Variants in KCNIP4 observed in about 807,000 individuals in gnomAD.
KCNIP4 encodes potassium voltage-gated channel interacting protein 4, also known as Kv channel-interacting protein 4.
KCNIP4 carries 12 observed loss-of-function variants against 34.0 expected under a neutral mutation model. The ratio of observed to expected loss-of-function variants is 0.35; its 90% confidence interval spans 0.23 to 0.57. KCNIP4 has a LOEUF of 0.57. Ranked by LOEUF, KCNIP4 falls within the 20% of genes least tolerant of loss-of-function variation. The probability of loss-of-function intolerance (pLI) is 0.83; values close to 1 mark genes in which losing one functional copy is unlikely to be tolerated. For synonymous variants in KCNIP4, 124 were observed against 102.2 expected, an observed-to-expected ratio of 1.21 and a Z score of -1.29; for missense variants, 238 against 311.7, an observed-to-expected ratio of 0.76 and a Z score of 1.78.
In KCNIP4 at chr4:21,174,677, A is replaced by T. The variant is rs577301422; in HGVS notation, c.62-291968T>A. ...CACTTTGGGAGGCCGAGGTGGGCAG[A>T]TCACCTGGGGTCAGGAACTCAGATC... On this transcript the variant is annotated intron_variant, in intron 1 of 8. Coordinates refer to ENST00000382152, the MANE Select transcript of KCNIP4 (RefSeq NM_025221.6). Among the ~76,000 whole-genome samples the T allele has an allele frequency of 2.6e-5, 4 of 152,208 alleles. No homozygotes were observed. The South Asian group carries it at 8.3e-4, about 32-fold the overall frequency.
chr4:21,799,532 C>T (rs944410155), intron 1 of KCNIP4, among the ~76,000 whole-genome samples: 1 of 152,186 alleles, frequency 6.6e-6, no homozygotes, highest in Non-Finnish European at 1.5e-5. Flanking sequence ...ATTAGTACAA[C>T]AGCACTCACT....
At chr4:20,856,136 G>C (rs971471429) in intron 2 of KCNIP4, among the ~76,000 whole-genome samples, 39 of 152,240 alleles carry the variant, frequency 2.6e-4, no homozygotes, top group African/African-American at 9.4e-4. Context: ...TTAGACTGCT[G>C]TTGATCCAAT....
intron 1 of KCNIP4, among the ~76,000 whole-genome samples, chr4:21,365,478 AAAATAAATAAATAAATAAATAAAT>A (rs3048729): frequency 7.6e-6 from 1 of 132,070 alleles, no homozygotes; most frequent in Non-Finnish European, 1.6e-5. Flanking sequence ...ACTGTCTCAA[AAAATAAATAAATAAATAAATAAAT>A]AAATAAATAA....
chr4:21,644,698 G>A (rs1029590484), intron 1 of KCNIP4, among the ~76,000 whole-genome samples: 8 of 152,110 alleles, frequency 5.3e-5, no homozygotes, highest in Non-Finnish European at 1.2e-4. Flanking sequence ...AGTTGTCTCA[G>A]TACATTTAGT....
chr4:21,602,108 T>A (rs557800695), intron 1 of KCNIP4, among the ~76,000 whole-genome samples: 1 of 151,912 alleles, frequency 6.6e-6, no homozygotes, highest in East Asian at 1.9e-4. Context: ...CTGCTTCAAA[T>A]AGGCTTCTTC....
intron 1 of KCNIP4, among the ~76,000 whole-genome samples, chr4:20,966,339 ATAT>A (rs1734344306): frequency 1.3e-5 from 2 of 152,226 alleles, no homozygotes; most frequent in East Asian, 3.8e-4. Flanking sequence ...ATAAAGTCAC[ATAT>A]CCTTAATTAT....
At chr4:21,712,623 C>T (rs552493855) in intron 1 of KCNIP4, among the ~76,000 whole-genome samples, 1 of 152,234 alleles carries the variant, frequency 6.6e-6, no homozygotes, top group Non-Finnish European at 1.5e-5. Context: ...CTCCCCACAC[C>T]TTTCTCCTGA....
At chr4:21,153,995 G>GA (rs112468002) in intron 1 of KCNIP4, among the ~76,000 whole-genome samples, 9,559 of 150,854 alleles carry the variant, frequency 0.063, 410 homozygotes, top group Non-Finnish European at 0.083. Context: ...AAAAAAAATG[G>GA]AAAAAAAAGG....
intron 1 of KCNIP4, among the ~76,000 whole-genome samples, chr4:21,501,591 T>C (rs1733344619): frequency 1.3e-5 from 2 of 152,018 alleles, no homozygotes; most frequent in Non-Finnish European, 2.9e-5. Flanking sequence ...TCCAAAGGTC[T>C]TTCGCAGTCT....
intron 1 of KCNIP4, among the ~76,000 whole-genome samples, chr4:21,130,865 G>A (rs1490343044): frequency 6.6e-6 from 1 of 152,154 alleles, no homozygotes; most frequent in East Asian, 1.9e-4. Flanking sequence ...TGGGGTTACA[G>A]TCCAATATAT....
chr4:21,837,072 C>T (rs1039446206), intron 1 of KCNIP4, among the ~76,000 whole-genome samples: 8 of 151,064 alleles, frequency 5.3e-5, no homozygotes, highest in Non-Finnish European at 1.0e-4. Flanking sequence ...GGCCCGCCAC[C>T]ACGCCTGGCT....
chr4:21,895,154 T>G (rs28593399), intron 1 of KCNIP4, among the ~76,000 whole-genome samples: 48,651 of 152,086 alleles, frequency 0.32, 8,247 homozygotes, highest in African/African-American at 0.44. Context: ...AACCTTGATA[T>G]GCCCTAGAGT....
At chr4:21,551,378 T>A (rs888439625) in intron 1 of KCNIP4, among the ~76,000 whole-genome samples, 2 of 152,072 alleles carry the variant, frequency 1.3e-5, no homozygotes, top group Non-Finnish European at 2.9e-5. Context: ...TAACTGTAAT[T>A]TCTACCTGTG....
intron 2 of KCNIP4, among the ~76,000 whole-genome samples, chr4:20,859,786 T>C (rs561523817): frequency 6.6e-6 from 1 of 152,334 alleles, no homozygotes; most frequent in South Asian, 2.1e-4. Context: ...CTACGGAACA[T>C]CTTGCCTTAC....
Position 21,138,742 on chromosome 4 carries a change from G to A in KCNIP4, c.62-256033C>T, listed in dbSNP as rs139679928. ...TAGGCAGAATGTATTCCTAAAGGTT[G>A]TAAACTGAAAGAGAGAGGTGGGAGG... is the stretch of plus-strand genomic sequence containing the variant. On this transcript the variant is annotated intron_variant, in intron 1 of 8. Coordinates refer to ENST00000382152, the MANE Select transcript of KCNIP4 (RefSeq NM_025221.6). Among the ~76,000 whole-genome samples, 1,062 of 152,188 alleles carry A rather than the reference G, an allele frequency of 7.0e-3. 15 individuals are homozygous for A. The highest frequency in any genetic ancestry group is 0.024 in the African/African-American group (1,007 of 41,516).
intron 1 of KCNIP4, among the ~76,000 whole-genome samples, chr4:21,701,363 G>A (rs912755563): frequency 6.6e-6 from 1 of 152,172 alleles, no homozygotes; most frequent in Non-Finnish European, 1.5e-5. Flanking sequence ...GACCACAGCT[G>A]CTAATAACGT....
intron 1 of KCNIP4, among the ~76,000 whole-genome samples, chr4:20,924,659 C>T (rs1404592211): frequency 6.6e-6 from 1 of 152,164 alleles, no homozygotes; most frequent in Admixed American, 6.5e-5. Context: ...TGTCAAAATG[C>T]TTAGCAATCT....
intron 1 of KCNIP4, among the ~76,000 whole-genome samples, chr4:21,287,443 C>G (rs542337055): frequency 4.5e-4 from 69 of 152,208 alleles, no homozygotes; most frequent in African/African-American, 1.5e-3. Context: ...TATAATGATA[C>G]AGCAATGAAC....
At chr4:21,943,385 AG>A (rs1350669814) in intron 1 of KCNIP4, among the ~76,000 whole-genome samples, 1 of 152,076 alleles carries the variant, frequency 6.6e-6, no homozygotes, top group Non-Finnish European at 1.5e-5. Flanking sequence ...GTTAATTCTA[AG>A]CAGTGGGTAA....
Sources: allele counts gnomAD v4.1 joint callset (sites outside exome capture counted in the v4.1 genomes callset), GRCh38; gene constraint gnomAD v4.1.1; transcripts MANE v1.5; gene names NCBI Gene and HGNC (gene_info 2026-07-23, HGNC 2026-07-21).